The following DSCAM variants were observed in gnomAD, a reference collection of about 807,000 sequenced individuals.
DSCAM encodes DS cell adhesion molecule.
DSCAM carries 47 observed loss-of-function variants against 217.7 expected under a neutral mutation model. The ratio of observed to expected loss-of-function variants is 0.22; its 90% confidence interval spans 0.17 to 0.28. The LOEUF is 0.28. Ranked by LOEUF, DSCAM falls within the 10% of genes least tolerant of loss-of-function variation. DSCAM has a pLI of 1.00. For missense variants in DSCAM, 2,080 were observed against 2,618.3 expected (o/e 0.79, Z 4.49); for synonymous variants, 1,056 against 1,015.3 (o/e 1.04, Z -0.76).
intron 3 of DSCAM, among the ~76,000 whole-genome samples, chr21:40,637,606 A>AATATATACATATATAAAT (rs1555874998): frequency 1.6e-3 from 57 of 36,736 alleles, no homozygotes; most frequent in Admixed American, 1.9e-3. Flanking sequence ...TATATATATA[A>AATATATACATATATAAAT]ATATATATAA....
intron 8 of DSCAM, 134 bp downstream of exon 8, chr21:40,337,967 C>T: frequency 8.8e-7 from 1 of 1,135,860 alleles, no homozygotes; most frequent in Non-Finnish European, 1.3e-6. Context: ...CTCATGTTCC[C>T]TGTCATTCTT....
At chr21:40,421,783 C>T (rs577892081) in intron 3 of DSCAM, among the ~76,000 whole-genome samples, 56 of 152,348 alleles carry the variant, frequency 3.7e-4, no homozygotes, top group Admixed American at 2.7e-3. Context: ...AGACAAATAT[C>T]TCCATGACTT....
At chr21:40,108,643 A>T (rs2089853663) in intron 20 of DSCAM, among the ~76,000 whole-genome samples, 1 of 152,218 alleles carries the variant, frequency 6.6e-6, no homozygotes, top group South Asian at 2.1e-4. Context: ...GAACTAGAAA[A>T]AACTATTTTA....
chr21:40,328,517 A>G (rs532626566), intron 8 of DSCAM, among the ~76,000 whole-genome samples: 1 of 152,342 alleles, frequency 6.6e-6, no homozygotes, highest in East Asian at 1.9e-4. Flanking sequence ...GGAAGGGCCT[A>G]AACTATGACA....
At chr21:40,822,412 C>T (rs1456363216) in intron 1 of DSCAM, among the ~76,000 whole-genome samples, 1 of 147,374 alleles carries the variant, frequency 6.8e-6, no homozygotes, top group Admixed American at 6.8e-5. Context: ...AGTTTGTCTC[C>T]TTGTTTTATT....
intron 3 of DSCAM, among the ~76,000 whole-genome samples, chr21:40,560,647 C>T (rs142648202): frequency 3.5e-4 from 54 of 152,318 alleles, no homozygotes; most frequent in Middle Eastern, 3.4e-3. Context: ...TTAGCCTAGC[C>T]TACTTGAAAT....
intron 32 of DSCAM, among the ~76,000 whole-genome samples, chr21:40,025,813 A>G (rs920614627): frequency 1.3e-5 from 2 of 150,664 alleles, no homozygotes; most frequent in African/African-American, 2.5e-5. Flanking sequence ...TGATCCTTTC[A>G]AAAAACCAGC....
chr21:40,024,176 T>C (rs1425477864), intron 32 of DSCAM, among the ~76,000 whole-genome samples: 1 of 77,902 alleles, frequency 1.3e-5, no homozygotes. Flanking sequence ...GATCAGATAG[T>C]TGTAGATATG....
At chr21:40,201,978 C>T (rs374720107) in intron 11 of DSCAM, among the ~76,000 whole-genome samples, 11 of 152,200 alleles carry the variant, frequency 7.2e-5, no homozygotes, top group African/African-American at 2.7e-4. Context: ...AAACTCTCCA[C>T]ATTTTATCAC....
chr21:40,603,312 G>A (rs2077076542), intron 3 of DSCAM, among the ~76,000 whole-genome samples: 1 of 152,076 alleles, frequency 6.6e-6, no homozygotes, highest in South Asian at 2.1e-4. Flanking sequence ...TGTTCATGAA[G>A]TATTCTATGA....
intron 5 of DSCAM, 81 bp downstream of exon 5, chr21:40,353,384 A>C: frequency 6.4e-7 from 1 of 1,555,998 alleles, no homozygotes; most frequent in Non-Finnish European, 8.6e-7. Context: ...AAAGCTACAG[A>C]GAAAACATGG....
intron 20 of DSCAM, among the ~76,000 whole-genome samples, chr21:40,115,296 G>A (rs139464877): frequency 1.3e-5 from 2 of 151,956 alleles, no homozygotes; most frequent in Non-Finnish European, 2.9e-5. Flanking sequence ...CCATCATTCT[G>A]AGCAAACTAT....
At chr21:40,779,853 G>A (rs1217840554) in intron 1 of DSCAM, among the ~76,000 whole-genome samples, 4 of 152,222 alleles carry the variant, frequency 2.6e-5, no homozygotes, top group African/African-American at 4.8e-5. Flanking sequence ...AGAGGGCTGG[G>A]TGGGGTAAGG....
chr21:40,532,732 A>T (rs1384692375), intron 3 of DSCAM, among the ~76,000 whole-genome samples: 1 of 152,116 alleles, frequency 6.6e-6, no homozygotes, highest in Non-Finnish European at 1.5e-5. Context: ...AGAGCAAGAG[A>T]GCCTGGGGTA....
intron 5 of DSCAM, among the ~76,000 whole-genome samples, chr21:40,348,478 T>C (rs1037690310): frequency 1.3e-5 from 2 of 150,868 alleles, no homozygotes; most frequent in African/African-American, 2.4e-5. Flanking sequence ...ATTGCAATCA[T>C]ACCCACACAG....
chr21:40,449,837 AC>A (rs1303196912), intron 3 of DSCAM, among the ~76,000 whole-genome samples: 1 of 152,216 alleles, frequency 6.6e-6, no homozygotes, highest in African/African-American at 2.4e-5. Flanking sequence ...AGGAATTTTC[AC>A]AATTACATTA....
intron 3 of DSCAM, among the ~76,000 whole-genome samples, chr21:40,391,364 C>T (rs1164811880): frequency 6.6e-6 from 1 of 152,154 alleles, no homozygotes; most frequent in Admixed American, 6.5e-5. Flanking sequence ...GTCTACCCAC[C>T]TGCTGTTTGA....
chr21:40,030,499 G>A (rs2088500398), intron 32 of DSCAM, among the ~76,000 whole-genome samples: 1 of 152,142 alleles, frequency 6.6e-6, no homozygotes, highest in African/African-American at 2.4e-5. Context: ...AGATCCTTCT[G>A]GTGGTCCAGA....
At chr21:40,162,982 T>C (rs1443538020) in intron 16 of DSCAM, among the ~76,000 whole-genome samples, 1 of 152,126 alleles carries the variant, frequency 6.6e-6, no homozygotes, top group Non-Finnish European at 1.5e-5. Flanking sequence ...CTGTCTTAAA[T>C]TGCATTCTCT....
Sources: allele counts gnomAD v4.1 joint callset (sites outside exome capture counted in the v4.1 genomes callset), GRCh38; gene constraint gnomAD v4.1.1; transcripts MANE v1.5; gene names NCBI Gene and HGNC (gene_info 2026-07-23, HGNC 2026-07-21).